MAN1A1: variants seen among roughly 807,000 people sequenced by gnomAD.
MAN1A1 encodes the protein mannosyl-oligosaccharide 1,2-alpha-mannosidase IA.
MAN1A1 carries 29 observed loss-of-function variants against 70.8 expected under a neutral mutation model. The ratio of observed to expected loss-of-function variants is 0.41; its 90% CI spans 0.31 to 0.56. The LOEUF (loss-of-function observed/expected upper bound fraction) is 0.56. Ranked by LOEUF, MAN1A1 falls within the 20% of genes least tolerant of loss-of-function variation. The pLI, the probability that MAN1A1 is intolerant of heterozygous loss-of-function variation, is 0.29. For synonymous variants in MAN1A1, 349 were observed against 330.1 expected (o/e 1.06, Z -0.62); for missense variants, 747 against 841.3 (o/e 0.89, Z 1.39).
At chr6:119,242,897 C>A (rs1775050132) in intron 6 of MAN1A1, among the ~76,000 whole-genome samples, 1 of 151,750 alleles carries the variant, frequency 6.6e-6, no homozygotes, top group African/African-American at 2.4e-5. Flanking sequence ...ATTACTAGTT[C>A]CAGAAGACTA....
intron 2 of MAN1A1, among the ~76,000 whole-genome samples, 168 bp downstream of exon 2, chr6:119,348,295 T>C (rs183726712): frequency 2.7e-4 from 41 of 152,314 alleles, no homozygotes; most frequent in East Asian, 1.4e-3. Context: ...TCTACTACTA[T>C]ATTGGAAACA....
chr6:119,195,662 A>G (rs1773550638), intron 8 of MAN1A1, among the ~76,000 whole-genome samples: 1 of 152,220 alleles, frequency 6.6e-6, no homozygotes, highest in Admixed American at 6.5e-5. Context: ...CAGCCCCTGG[A>G]AAGTGTCTTG....
chr6:119,200,058 CAG>C (rs1403190887), intron 8 of MAN1A1, among the ~76,000 whole-genome samples: 1 of 152,084 alleles, frequency 6.6e-6, no homozygotes, highest in Non-Finnish European at 1.5e-5. Flanking sequence ...TTAGAAAAGG[CAG>C]AAAGTCTTTC....
chr6:119,263,573 A>G (rs993870222), intron 5 of MAN1A1, among the ~76,000 whole-genome samples: 1 of 152,168 alleles, frequency 6.6e-6, no homozygotes, highest in Non-Finnish European at 1.5e-5. Context: ...ACTTGTGTGA[A>G]AAAATAATCT....
chr6:119,190,200 T>TA (rs1773405621), intron 9 of MAN1A1, among the ~76,000 whole-genome samples: 1 of 152,190 alleles, frequency 6.6e-6, no homozygotes, highest in Non-Finnish European at 1.5e-5. Context: ...GCAGCAGTAA[T>TA]AGTTGGTTTG....
chr6:119,184,599 AAAG>A (rs1267919952), intron 11 of MAN1A1, among the ~76,000 whole-genome samples: 5 of 152,146 alleles, frequency 3.3e-5, no homozygotes, highest in Admixed American at 2.0e-4. Flanking sequence ...GGAAGGAGGA[AAAG>A]AAGTCACTTC....
intron 11 of MAN1A1, among the ~76,000 whole-genome samples, chr6:119,184,160 GA>G (rs1383539455): frequency 1.3e-5 from 2 of 152,090 alleles, no homozygotes; most frequent in Non-Finnish European, 2.9e-5. Flanking sequence ...CTCAACAGTG[GA>G]AGCTGTCATG....
At chr6:119,201,459 A>C in intron 7 of MAN1A1, 112 bp from the exon 8 acceptor site, 1 of 693,316 alleles carries the variant, frequency 1.4e-6, no homozygotes, top group Non-Finnish European at 2.6e-6. Context: ...TAGAACAAAG[A>C]TAACTGCTGT....
intron 3 of MAN1A1, 63 bp from the exon 4 acceptor site, chr6:119,302,166 C>A: frequency 1.3e-6 from 1 of 750,232 alleles, no homozygotes. Flanking sequence ...TGTAAATTGA[C>A]CATAACTAAG....
At chr6:119,205,947 C>A (rs533422610) in intron 6 of MAN1A1, among the ~76,000 whole-genome samples, 8 of 152,330 alleles carry the variant, frequency 5.3e-5, no homozygotes, top group Admixed American at 3.9e-4. Flanking sequence ...GTTCCAATCA[C>A]ACATGATGAA....
intron 2 of MAN1A1, among the ~76,000 whole-genome samples, chr6:119,335,528 C>T (rs1017861830): frequency 4.6e-5 from 7 of 152,108 alleles, no homozygotes; most frequent in South Asian, 2.1e-4. Context: ...TTCTGGGCCA[C>T]GGACCTATGA....
At chr6:119,222,771 T>A (rs541178174) in intron 6 of MAN1A1, among the ~76,000 whole-genome samples, 1 of 152,242 alleles carries the variant, frequency 6.6e-6, no homozygotes, top group Non-Finnish European at 1.5e-5. Context: ...ATTTATATAA[T>A]CACAGCTGAA....
chr6:119,329,465 A>C (rs200674794), intron 2 of MAN1A1, among the ~76,000 whole-genome samples: 2 of 143,658 alleles, frequency 1.4e-5, no homozygotes, highest in African/African-American at 2.6e-5. Flanking sequence ...TCCCCCCCCC[A>C]CCCACTGACT....
At chr6:119,308,308 AT>A (rs765125288) in intron 2 of MAN1A1, among the ~76,000 whole-genome samples, 7 of 152,170 alleles carry the variant, frequency 4.6e-5, no homozygotes, top group African/African-American at 9.6e-5. Context: ...AGCAAAAAAA[AT>A]CTTCCTTTAC....
At chr6:119,236,270 T>G (rs1344603015) in intron 6 of MAN1A1, among the ~76,000 whole-genome samples, 1 of 152,226 alleles carries the variant, frequency 6.6e-6, no homozygotes, top group Non-Finnish European at 1.5e-5. Flanking sequence ...TGAGACCTAC[T>G]GCTCAGACAA....
intron 2 of MAN1A1, among the ~76,000 whole-genome samples, chr6:119,316,930 C>T (rs925521403): frequency 6.7e-6 from 1 of 149,528 alleles, no homozygotes; most frequent in Non-Finnish European, 1.5e-5. Flanking sequence ...TTTTAAATTA[C>T]ATTTTTTTAT....
chr6:119,200,672 A>T (rs1334900901), intron 8 of MAN1A1, among the ~76,000 whole-genome samples: 2 of 152,162 alleles, frequency 1.3e-5, no homozygotes, highest in Admixed American at 1.3e-4. Context: ...AAATCGTCTG[A>T]AGAGTCTTAA....
chr6:119,347,830 G>A (rs991131417), intron 2 of MAN1A1, among the ~76,000 whole-genome samples: 1 of 152,184 alleles, frequency 6.6e-6, no homozygotes, highest in Non-Finnish European at 1.5e-5. Context: ...TGCTGTGGAG[G>A]CAAACCTGTT....
intron 6 of MAN1A1, among the ~76,000 whole-genome samples, chr6:119,205,299 T>C (rs530956093): frequency 6.6e-6 from 1 of 152,340 alleles, no homozygotes; most frequent in South Asian, 2.1e-4. Context: ...ATTCACATTA[T>C]ATACAAAATT....
Sources: gnomAD v4.1 joint callset for allele counts (sites outside exome capture counted in the v4.1 genomes callset) on GRCh38, gnomAD v4.1.1 for gene constraint, MANE v1.5 for transcripts, NCBI Gene and HGNC (gene_info 2026-07-23, HGNC 2026-07-21) for gene names.